CYP20A1: variants seen among roughly 807,000 people sequenced by gnomAD.
CYP20A1 encodes cytochrome P450 20A1.
Under a neutral mutation model 61.4 loss-of-function variants are expected in CYP20A1, and 61 were observed. The ratio of observed to expected loss-of-function variants is 0.99; its 90% CI spans 0.81 to 1.23. The LOEUF is 1.23. CYP20A1 is among the 50% of genes most tolerant of loss of function. CYP20A1 has a pLI of 0.00. For missense variants in CYP20A1, 530 were observed against 542.4 expected (o/e 0.98, Z 0.23); for synonymous variants, 193 against 188.2 (o/e 1.03, Z -0.21).
intron 11 of CYP20A1, among the ~76,000 whole-genome samples, chr2:203,296,124 C>G (rs1041619403): frequency 6.6e-6 from 1 of 151,986 alleles, no homozygotes; most frequent in Admixed American, 6.6e-5. Flanking sequence ...AGTAGCTGGG[C>G]CTGGTGGCAT....
chr2:203,244,809 T>C (rs1412597403), intron 1 of CYP20A1, among the ~76,000 whole-genome samples: 1 of 150,414 alleles, frequency 6.6e-6, no homozygotes, highest in East Asian at 2.0e-4. Flanking sequence ...CTAGGCTCAC[T>C]GCAAGCTCCG....
rs1311240621 is a variant in CYP20A1, at chr2:203,301,986, C to T, written c.*5078C>T. Among the ~76,000 whole-genome samples, 1 of 138,188 alleles carries T rather than the reference C, an allele frequency of 7.2e-6. No homozygotes were observed. The highest frequency in any genetic ancestry group is 1.5e-5 in the Non-Finnish European group (1 of 66,036). The allele number at this position is 138,188 out of a possible 152,430, so 90.7% of individuals were successfully genotyped here. ...TATTGCCCAGGCTGGAGTGCCATGGCACCATCTCGGCTCACTGCAACCTCT... is the reference window on the plus strand; with the variant it reads ...TATTGCCCAGGCTGGAGTGCCATGGTACCATCTCGGCTCACTGCAACCTCT... On this transcript the variant is annotated 3_prime_UTR_variant, in exon 13 of 13. Transcript: ENST00000356079.
In CYP20A1 at chr2:203,239,116, C is replaced by G. The variant is rs767564729; in HGVS notation, c.54C>G (p.Ala18=). 3.4e-5 allele frequency: 55 copies of G among 1,613,370 alleles called. No individual in the cohort carries two copies. Among genetic ancestry groups the G allele is most frequent in the African/African-American group, 1.2e-4 (9 of 74,918 alleles). ...AVTFLLALVG[A]VLYLYPASRQ... is the part of the protein sequence containing the mutation. ...CCTTCTTGCTGGCGTTGGTGGGAGCCGTGCTCTACCTCTATCCGGTGAGCG... is the reference window on the plus strand; with the variant it reads ...CCTTCTTGCTGGCGTTGGTGGGAGCGGTGCTCTACCTCTATCCGGTGAGCG... The change falls in exon 1 of 13, where the codon GCC becomes GCG. Residue 18 remains alanine (A), a synonymous_variant. Coordinates refer to ENST00000356079, the MANE Select transcript of CYP20A1 (RefSeq NM_177538.3).
chr2:203,258,805 A>T (rs1434366418), intron 4 of CYP20A1, among the ~76,000 whole-genome samples: 1 of 151,928 alleles, frequency 6.6e-6, no homozygotes, highest in Admixed American at 6.6e-5. Flanking sequence ...TGTTCCTGTT[A>T]CCTCTCATTT....
chr2:203,250,427 G>GGCTCTC (rs1178951416), intron 3 of CYP20A1, among the ~76,000 whole-genome samples: 1 of 152,080 alleles, frequency 6.6e-6, no homozygotes, highest in East Asian at 1.9e-4. Flanking sequence ...ACTTGCCTAA[G>GGCTCTC]GTCACAGCTA....
rs187258278 is a variant in CYP20A1 at position 203,295,905 on chromosome 2, C to T, written c.1149-569C>T. Among the ~76,000 whole-genome samples the T allele has an allele frequency of 1.3e-3, 193 of 152,046 alleles. 2 individuals carry two copies. The highest frequency in any genetic ancestry group is 2.0e-3 in the Non-Finnish European group (135 of 67,998). ...TGGTGGTTGCAATGAGCCGAGATCA[C>T]GCTACTGCACTCCAGCCTGGTGACA... On this transcript the variant is annotated intron_variant, in intron 11 of 12. Transcript: ENST00000356079.
At chr2:203,273,918 G>C (rs1471466002) in intron 6 of CYP20A1, among the ~76,000 whole-genome samples, 4 of 152,150 alleles carry the variant, frequency 2.6e-5, no homozygotes, top group Non-Finnish European at 5.9e-5. Flanking sequence ...CTGCACTCCA[G>C]CCTTGGTGAG....
chr2:203,274,660 A>G (rs558750758), intron 6 of CYP20A1, among the ~76,000 whole-genome samples: 19 of 152,060 alleles, frequency 1.2e-4, no homozygotes, highest in African/African-American at 3.9e-4. Flanking sequence ...GCTAGGCCCT[A>G]TTCTGTGCAC....
intron 8 of CYP20A1, among the ~76,000 whole-genome samples, chr2:203,284,737 C>CCT (rs2068194731): frequency 2.0e-5 from 2 of 99,116 alleles, no homozygotes; most frequent in African/African-American, 8.9e-5. Context: ...AGAACCACTG[C>CCT]TTTTTTTTTT....
intron 12 of CYP20A1, 82 bp downstream of exon 12, chr2:203,296,645 T>G: frequency 1.4e-6 from 2 of 1,398,068 alleles, no homozygotes; most frequent in Admixed American, 4.7e-5. Flanking sequence ...ATGATTAAAG[T>G]ATTATTTTTT....
At chr2:203,258,005 G>GCTCACGTGCAGTGGCACAATT (rs1455916330) in intron 4 of CYP20A1, among the ~76,000 whole-genome samples, 1 of 151,752 alleles carries the variant, frequency 6.6e-6, no homozygotes. Context: ...GGGCTGAAGG[G>GCTCACGTGCAGTGGCACAATT]ATCCTCCTGC....
At chr2:203,252,633 G>A (rs984589002) in intron 4 of CYP20A1, among the ~76,000 whole-genome samples, 3 of 151,966 alleles carry the variant, frequency 2.0e-5, no homozygotes, top group African/African-American at 7.3e-5. Context: ...GACCTCAAGT[G>A]GTCTACCCAC....
At chr2:203,242,686 G>A (rs964990152) in intron 1 of CYP20A1, among the ~76,000 whole-genome samples, 2 of 152,000 alleles carry the variant, frequency 1.3e-5, no homozygotes, top group East Asian at 1.9e-4. Context: ...AGCTACTTGG[G>A]AGGCTGAAGC....
chr2:203,267,098 G>A (rs999179338), intron 5 of CYP20A1, among the ~76,000 whole-genome samples: 4 of 151,792 alleles, frequency 2.6e-5, no homozygotes, highest in Admixed American at 1.3e-4. Context: ...GGAGTTCAAG[G>A]CTACAGAGAG....
rs565152436 is a variant in CYP20A1, at chr2:203,301,473, G to C, written c.*4565G>C. On this transcript the variant is annotated 3_prime_UTR_variant, in exon 13 of 13. Transcript: ENST00000356079. The stretch of plus-strand genomic sequence containing the variant: ...TTTTTTTGAGACAGGGTCTCCCTGC[G>C]TCGCCCAGTCTTGTCTCAAACTCCT... Among the ~76,000 whole-genome samples, 4 of 151,694 alleles carry C rather than the reference G, an allele frequency of 2.6e-5. No homozygotes were observed. Among genetic ancestry groups the C allele is most frequent in the Non-Finnish European group, 5.9e-5 (4 of 67,948 alleles).
At chr2:203,247,932 G>C (rs1490874400) in intron 3 of CYP20A1, among the ~76,000 whole-genome samples, 1 of 151,368 alleles carries the variant, frequency 6.6e-6, no homozygotes, top group African/African-American at 2.4e-5. Flanking sequence ...CTAGATTAAA[G>C]AATCTTGTAT....
At chr2:203,259,309 C>T (rs928163618) in intron 4 of CYP20A1, among the ~76,000 whole-genome samples, 7 of 152,262 alleles carry the variant, frequency 4.6e-5, no homozygotes, top group Admixed American at 2.6e-4. Context: ...TTTGTCCCTG[C>T]GCAAATCTCA....
At chr2:203,290,959 G>A (rs1325754721) in intron 10 of CYP20A1, among the ~76,000 whole-genome samples, 2 of 152,044 alleles carry the variant, frequency 1.3e-5, no homozygotes, top group Non-Finnish European at 2.9e-5. Flanking sequence ...ATTTATTTAA[G>A]CAGCCCCCGC....
At chr2:203,260,141 G>A (rs528642064) in intron 4 of CYP20A1, among the ~76,000 whole-genome samples, 2 of 152,134 alleles carry the variant, frequency 1.3e-5, no homozygotes, top group African/African-American at 4.8e-5. Context: ...TGGTCAGGCT[G>A]GTCTTGAACT....
Sources: gnomAD v4.1 joint callset for allele counts (sites outside exome capture counted in the v4.1 genomes callset) on GRCh38, gnomAD v4.1.1 for gene constraint, MANE v1.5 for transcripts, NCBI Gene and HGNC (gene_info 2026-07-23, HGNC 2026-07-21) for gene names.